The following KCNQ1OT1 variants were observed in gnomAD, a reference collection of about 807,000 sequenced individuals.
KCNQ1OT1 encodes KCNQ1 opposite strand/antisense transcript 1.
exon 1 of KCNQ1OT1, chr11:2,637,110 G>A (rs1475021771): frequency 6.6e-6 from 1 of 151,774 alleles, no homozygotes; most frequent in East Asian, 1.9e-4. Context: ...TATCAATTTT[G>A]TTGATCTTTT....
At position 2,690,520 on chromosome 11, in the gene KCNQ1OT1, G is replaced by A; in HGVS notation, n.9475C>T. 1.0e-5 allele frequency: 4 copies of A among 398,656 alleles called. No individual in the cohort carries two copies. Among genetic ancestry groups the A allele is most frequent in the Non-Finnish European group, 1.8e-5 (4 of 226,088 alleles). 24.7% of individuals were successfully genotyped at this position (398,656 alleles called of 1,614,324 possible). ...GGGGGGTCTCAGCACCTATCACAAA[G>A]AAAGTGCCACTGGGCCTAGGGAAGG... On this transcript the variant is annotated non_coding_transcript_exon_variant, in exon 1 of 1. Coordinates refer to ENST00000597346, the Ensembl canonical transcript of KCNQ1OT1. The surrounding 1 kb of genome is among the most constrained non-coding windows in gnomAD (Gnocchi z 5.1).
rs868364768 is a variant in KCNQ1OT1 at position 2,624,862 on chromosome 11, T to C, written n.75133A>G. The C allele has an allele frequency of 2.5e-6, 1 of 398,506 alleles. No homozygotes were observed. The highest frequency in any genetic ancestry group is 2.1e-5 in the African/African-American group (1 of 48,650). 24.7% of individuals were successfully genotyped at this position (398,506 alleles called of 1,614,324 possible). A position where few individuals can be genotyped will look rare whatever the true frequency, so the allele number is the denominator to read the frequency against. On this transcript the variant is annotated non_coding_transcript_exon_variant, in exon 1 of 1. Coordinates refer to ENST00000597346, the Ensembl canonical transcript of KCNQ1OT1. The surrounding 1 kb of genome is among the most constrained non-coding windows in gnomAD (Gnocchi z 4.9). ...TACTTCTCTTCTTGTGACTGCTGTA[T>C]TTCATTTAACATAATGGCCTCGAGG...
chr11:2,678,566 G>T lies in KCNQ1OT1; in HGVS notation n.21429C>A, dbSNP rs545380035. ...GCCAGAGCTCAGTTATTTTAATTATGTAACTTTATGATGCACTTATCTGTG... is the reference window on the plus strand; with the variant it reads ...GCCAGAGCTCAGTTATTTTAATTATTTAACTTTATGATGCACTTATCTGTG... On this transcript the variant is annotated non_coding_transcript_exon_variant, in exon 1 of 1. Coordinates refer to ENST00000597346, the Ensembl canonical transcript of KCNQ1OT1. This position sits in a 1 kb window ranked among gnomAD's most constrained non-coding sequence, Gnocchi z 4.9. 3.3e-5 allele frequency: 13 copies of T among 398,580 alleles called. No individual in the cohort carries two copies. In the South Asian group the frequency reaches 1.7e-3, roughly 51 times the overall value. 24.7% of individuals were successfully genotyped at this position (398,580 alleles called of 1,614,324 possible). A position where few individuals can be genotyped will look rare whatever the true frequency, so the allele number is the denominator to read the frequency against.
At chr11:2,685,886 G>C (rs1850480211) in exon 1 of KCNQ1OT1, 5 of 398,574 alleles carry the variant, frequency 1.3e-5, no homozygotes, top group Admixed American at 4.4e-5. Flanking sequence ...CTAGACTAGG[G>C]AAGAACTTGT....
chr11:2,633,986 A>C (rs1849407133), exon 1 of KCNQ1OT1: 1 of 398,486 alleles, frequency 2.5e-6, no homozygotes, highest in Non-Finnish European at 4.4e-6. Flanking sequence ...ATGTTGTTGA[A>C]GAGTCGACTG....
exon 1 of KCNQ1OT1, chr11:2,609,736 A>G (rs541525553): frequency 2.5e-6 from 1 of 398,348 alleles, no homozygotes; most frequent in South Asian, 1.3e-4. Flanking sequence ...TAATCATTGT[A>G]TCTTCTCATG....
chr11:2,666,374 A>G, exon 1 of KCNQ1OT1: 1 of 398,670 alleles, frequency 2.5e-6, no homozygotes, highest in African/African-American at 2.1e-5. Context: ...GCCTCTTGTG[A>G]CATGACAGCT....
exon 1 of KCNQ1OT1, chr11:2,634,200 A>C: frequency 2.6e-6 from 1 of 388,468 alleles, no homozygotes; most frequent in Non-Finnish European, 4.5e-6. Flanking sequence ...TTTAAGTTCT[A>C]GGGTACATGT....
rs148678221 is a variant in KCNQ1OT1, at chr11:2,663,589, G to A, written n.36406C>T. Reference sequence around the variant, plus strand: ...GCTTGCTTCTCCTGTTGGAGCTCTCGCTCACCTTGGTTCTCTTGGTCACGG... The same window carrying A: ...GCTTGCTTCTCCTGTTGGAGCTCTCACTCACCTTGGTTCTCTTGGTCACGG... On this transcript the variant is annotated non_coding_transcript_exon_variant, in exon 1 of 1. Transcript: ENST00000597346. This position sits in a 1 kb window ranked among gnomAD's most constrained non-coding sequence, Gnocchi z 5.2. 230 of 398,572 alleles carry A rather than the reference G, an allele frequency of 5.8e-4. 1 individual carries two copies. The highest frequency in any genetic ancestry group is 3.6e-3 in the African/African-American group (175 of 48,704). The allele number at this position is 398,572 out of a possible 1,614,324, so 24.7% of individuals were successfully genotyped here. A position where few individuals can be genotyped will look rare whatever the true frequency, so the allele number is the denominator to read the frequency against.
rs1850139413 is a variant in KCNQ1OT1, at chr11:2,669,274, T to C, written n.30721A>G. 1 of 398,716 alleles carries C rather than the reference T, an allele frequency of 2.5e-6. No homozygotes were observed. The highest frequency in any genetic ancestry group is 4.4e-6 in the Non-Finnish European group (1 of 226,116). The allele number at this position is 398,716 out of a possible 1,614,324, so 24.7% of individuals were successfully genotyped here. On this transcript the variant is annotated non_coding_transcript_exon_variant, in exon 1 of 1. Coordinates refer to ENST00000597346, the Ensembl canonical transcript of KCNQ1OT1. The surrounding 1 kb of genome is among the most constrained non-coding windows in gnomAD (Gnocchi z 5.6). ...TTCCCCATCACTGGCTTTGCTGTCTTTGCAGGGTTTCTCCTCACCATACAT... is the reference window on the plus strand; with the variant it reads ...TTCCCCATCACTGGCTTTGCTGTCTCTGCAGGGTTTCTCCTCACCATACAT...
In KCNQ1OT1 at chr11:2,621,228, T is replaced by A; in HGVS notation, n.78767A>T. 2.5e-6 allele frequency: 1 copy of A among 398,096 alleles called. No individual in the cohort carries two copies. The highest frequency in any genetic ancestry group is 4.4e-6 in the Non-Finnish European group (1 of 226,072). The allele number at this position is 398,096 out of a possible 1,614,324, so 24.7% of individuals were successfully genotyped here. On this transcript the variant is annotated non_coding_transcript_exon_variant, in exon 1 of 1. Transcript: ENST00000597346. This position sits in a 1 kb window ranked among gnomAD's most constrained non-coding sequence, Gnocchi z 5.7. ...CCTGACCCCAGATGATCCACGCACCTCAGCCTCCCAAAGTGCTAGGACTAC... is the reference window on the plus strand; with the variant it reads ...CCTGACCCCAGATGATCCACGCACCACAGCCTCCCAAAGTGCTAGGACTAC...
chr11:2,643,472 C>T, exon 1 of KCNQ1OT1: 1 of 398,422 alleles, frequency 2.5e-6, no homozygotes. Context: ...AGTATAGCTA[C>T]TCCTGTTTGG....
chr11:2,616,041 A>G, exon 1 of KCNQ1OT1: 3 of 398,058 alleles, frequency 7.5e-6, no homozygotes, highest in Non-Finnish European at 1.3e-5. Flanking sequence ...TCTACTTGTT[A>G]TGGGTCTGCT....
chr11:2,692,236 C>T (rs1590035965), exon 1 of KCNQ1OT1: 1 of 399,034 alleles, frequency 2.5e-6, no homozygotes, highest in East Asian at 3.6e-5. Context: ...TGCCCATCAC[C>T]TCAAGCCCAT....
rs767976684 is a variant in KCNQ1OT1 at position 2,651,154 on chromosome 11, C to T, written n.48841G>A. 2.5e-6 allele frequency: 1 copy of T among 398,690 alleles called. No individual in the cohort carries two copies. The highest frequency in any genetic ancestry group is 4.4e-6 in the Non-Finnish European group (1 of 226,122). 24.7% of individuals were successfully genotyped at this position (398,690 alleles called of 1,614,324 possible). ...AGCTCAAGGGAGTTCTTTAAATGTA[C>T]AGTGGATCTTGCTGCTTCCCTACTC... On this transcript the variant is annotated non_coding_transcript_exon_variant, in exon 1 of 1. Coordinates refer to ENST00000597346, the Ensembl canonical transcript of KCNQ1OT1. The surrounding 1 kb of genome is among the most constrained non-coding windows in gnomAD (Gnocchi z 6.1).
At chr11:2,655,415 C>T (rs1849827974) in exon 1 of KCNQ1OT1, 1 of 398,670 alleles carries the variant, frequency 2.5e-6, no homozygotes. Context: ...TGCTCTTTGT[C>T]CCCAGGGCCA....
At position 2,677,357 on chromosome 11, in the gene KCNQ1OT1, A is replaced by T. The variant is rs958931800; in HGVS notation, n.22638T>A. 1.0e-5 allele frequency: 4 copies of T among 398,640 alleles called. No homozygotes were observed. Among genetic ancestry groups the T allele is most frequent in the Non-Finnish European group, 1.8e-5 (4 of 226,066 alleles). The allele number at this position is 398,640 out of a possible 1,614,324, so 24.7% of individuals were successfully genotyped here. ...CTCAAATAGAGACTGGGCAGAGTAG[A>T]CCAGTTAGTTAATCAGTTGAAGAGG... On this transcript the variant is annotated non_coding_transcript_exon_variant, in exon 1 of 1. Transcript: ENST00000597346. The surrounding 1 kb of genome is among the most constrained non-coding windows in gnomAD (Gnocchi z 4.5).
chr11:2,673,588 T>C lies in KCNQ1OT1; in HGVS notation n.26407A>G. 2.5e-6 allele frequency: 1 copy of C among 398,744 alleles called. No homozygotes were observed. The highest frequency in any genetic ancestry group is 4.4e-6 in the Non-Finnish European group (1 of 226,144). The allele number at this position is 398,744 out of a possible 1,614,324, so 24.7% of individuals were successfully genotyped here. A position where few individuals can be genotyped will look rare whatever the true frequency, so the allele number is the denominator to read the frequency against. On this transcript the variant is annotated non_coding_transcript_exon_variant, in exon 1 of 1. Transcript: ENST00000597346. This position sits in a 1 kb window ranked among gnomAD's most constrained non-coding sequence, Gnocchi z 4.5. ...AGGTGGAAGACCCTATTACTTGGGC[T>C]AAAGAGAAGCTAAACGTGACCAGCC...
exon 1 of KCNQ1OT1, chr11:2,686,254 G>A: frequency 2.5e-6 from 1 of 398,738 alleles, no homozygotes; most frequent in Non-Finnish European, 4.4e-6. Flanking sequence ...CACAGCAAAT[G>A]TCTGCCACCC....
Sources: gnomAD v4.1 joint callset for allele counts on GRCh38, gnomAD v4.1.1 for gene constraint, Gnocchi (gnomAD v3.1) non-coding constraint, MANE v1.5 for transcripts, NCBI Gene and HGNC (gene_info 2026-07-23, HGNC 2026-07-21) for gene names.